The following EYS variants were observed in gnomAD, a reference collection of about 807,000 sequenced individuals.
The protein encoded by EYS is EGF-like photoreceptor maintenance factor.
EYS carries 250 observed loss-of-function variants against 282.1 expected under a neutral mutation model. That is an observed-to-expected ratio of 0.89 (90% CI 0.80 to 0.98). The LOEUF is 0.98. Ranked by LOEUF, EYS falls within the 50% of genes least tolerant of loss-of-function variation. The pLI, the probability that EYS is intolerant of heterozygous loss-of-function variation, is 0.00. For missense variants in EYS, 4,016 were observed against 3,709.0 expected (o/e 1.08, Z -2.15); for synonymous variants, 1,355 against 1,282.9 (o/e 1.06, Z -1.20).
intron 22 of EYS, among the ~76,000 whole-genome samples, chr6:64,658,520 A>C (rs1402304346): frequency 6.6e-6 from 1 of 152,186 alleles, no homozygotes; most frequent in Non-Finnish European, 1.5e-5. Flanking sequence ...GGTGACGTAC[A>C]GATGGGGTTT....
intron 2 of EYS, among the ~76,000 whole-genome samples, chr6:65,508,406 G>A (rs1582392475): frequency 6.6e-6 from 1 of 151,988 alleles, no homozygotes; most frequent in African/African-American, 2.4e-5. Context: ...AGGAGTGGTG[G>A]CTCACACCTG....
chr6:65,600,284 C>A (rs932133051), intron 2 of EYS, among the ~76,000 whole-genome samples: 4 of 152,092 alleles, frequency 2.6e-5, no homozygotes, highest in African/African-American at 9.6e-5. Context: ...TGACCTGTTG[C>A]ATTGCTAAGT....
intron 5 of EYS, among the ~76,000 whole-genome samples, chr6:65,446,819 CAT>C (rs150019227): frequency 1.7e-4 from 26 of 151,340 alleles, no homozygotes; most frequent in Admixed American, 9.2e-4. Flanking sequence ...AATTAAGAAA[CAT>C]AAAATATTAC....
intron 5 of EYS, among the ~76,000 whole-genome samples, chr6:65,459,545 T>C (rs1172536595): frequency 6.6e-6 from 1 of 151,982 alleles, no homozygotes; most frequent in Non-Finnish European, 1.5e-5. Context: ...ATATTTTAAA[T>C]CTGACAATTT....
chr6:64,691,488 A>G (rs1054269682), intron 22 of EYS, among the ~76,000 whole-genome samples: 1 of 152,202 alleles, frequency 6.6e-6, no homozygotes, highest in African/African-American at 2.4e-5. Flanking sequence ...ACAGTTTGGA[A>G]AATAAATTTT....
intron 42 of EYS, among the ~76,000 whole-genome samples, chr6:63,722,189 A>G (rs1270230631): frequency 6.6e-6 from 1 of 152,010 alleles, no homozygotes; most frequent in East Asian, 1.9e-4. Context: ...CTCCAACCTT[A>G]CCTGGAATGT....
intron 33 of EYS, among the ~76,000 whole-genome samples, chr6:64,016,680 T>C (rs1768908704): frequency 6.6e-6 from 1 of 152,068 alleles, no homozygotes; most frequent in African/African-American, 2.4e-5. Context: ...CTCATTATGC[T>C]GCCAAGGCTG....
chr6:64,293,384 A>T (rs2150366790), intron 30 of EYS, among the ~76,000 whole-genome samples: 1 of 152,204 alleles, frequency 6.6e-6, no homozygotes, highest in East Asian at 1.9e-4. Flanking sequence ...TTTTGAGATG[A>T]TATGTGGGGG....
At chr6:65,539,053 C>G (rs1225074002) in intron 2 of EYS, among the ~76,000 whole-genome samples, 4 of 152,100 alleles carry the variant, frequency 2.6e-5, no homozygotes, top group Non-Finnish European at 5.9e-5. Flanking sequence ...AAATTATTCT[C>G]CATTGTATTT....
Position 63,721,138 on chromosome 6 carries a change from TGTAAG to T in EYS, c.8888_8892del (p.Ser2963TyrfsTer2). 1 of 1,551,526 alleles carries T rather than the reference TGTAAG, an allele frequency of 6.4e-7. No individual in the cohort carries two copies. Among genetic ancestry groups the T allele is most frequent in the Non-Finnish European group, 8.7e-7 (1 of 1,146,798 alleles). ...CTATAATTTGGATCAATGTATTTAA[TGTAAG>T]AATTACCCATAAATTTTGCAGTTGA... On this transcript the variant is annotated frameshift_variant, in exon 43 of 43. Coordinates refer to ENST00000503581, the MANE Select transcript of EYS (RefSeq NM_001142800.2). LOFTEE classifies it high-confidence loss of function.
At chr6:63,849,229 C>A (rs1050005914) in intron 36 of EYS, among the ~76,000 whole-genome samples, 3 of 152,216 alleles carry the variant, frequency 2.0e-5, no homozygotes, top group Admixed American at 2.0e-4. Flanking sequence ...TGGGACAGAG[C>A]ACCTGGGGAG....
intron 22 of EYS, among the ~76,000 whole-genome samples, chr6:64,696,293 G>T (rs1302765939): frequency 6.6e-6 from 1 of 152,072 alleles, no homozygotes; most frequent in Non-Finnish European, 1.5e-5. Flanking sequence ...CAAGTCTTTT[G>T]ACTTTATCCA....
intron 32 of EYS, among the ~76,000 whole-genome samples, chr6:64,076,693 C>T (rs181385855): frequency 2.6e-5 from 4 of 151,934 alleles, no homozygotes; most frequent in Admixed American, 6.6e-5. Flanking sequence ...TCCCCAGCCC[C>T]GTGGAACTGT....
In EYS at chr6:64,813,507, C is replaced by A. The variant is rs966564796; in HGVS notation, c.3314G>T (p.Cys1105Phe). Residue 1105 changes from cysteine (C) to phenylalanine (F), a missense_variant, in exon 22 of 43, where the codon TGC becomes TTC. Physicochemically the swap from Cys to Phe is radical, Grantham distance 205. Coordinates refer to ENST00000503581, the MANE Select transcript of EYS (RefSeq NM_001142800.2). ...GTATGCACCAGTGTATCCACGTGGG[C>A]AAATGCAAGTAAATCCATGTGCTGA... is the stretch of plus-strand genomic sequence containing the variant. ...QKSAHGFTCI[C>F]PRGYTGAYCE... 1.0e-5 allele frequency: 16 copies of A among 1,550,330 alleles called. No homozygotes were observed. In the Admixed American group the frequency reaches 2.6e-4, roughly 25 times the overall value.
At chr6:64,460,296 A>C (rs1303567111) in intron 26 of EYS, among the ~76,000 whole-genome samples, 1 of 152,218 alleles carries the variant, frequency 6.6e-6, no homozygotes, top group African/African-American at 2.4e-5. Flanking sequence ...TCCATAATAC[A>C]TTTGAAAATT....
intron 2 of EYS, among the ~76,000 whole-genome samples, chr6:65,545,423 T>C (rs1311846654): frequency 6.6e-6 from 1 of 152,136 alleles, no homozygotes; most frequent in African/African-American, 2.4e-5. Flanking sequence ...TGGAGCTTGA[T>C]ATGAGTAGCA....
chr6:65,021,843 C>T (rs1040502864), intron 13 of EYS, among the ~76,000 whole-genome samples: 5 of 152,188 alleles, frequency 3.3e-5, no homozygotes, highest in Non-Finnish European at 7.3e-5. Context: ...CAAACACATC[C>T]TTCTTTACAT....
At chr6:64,986,832 T>C (rs1192432885) in intron 14 of EYS, among the ~76,000 whole-genome samples, 1 of 149,920 alleles carries the variant, frequency 6.7e-6, no homozygotes, top group East Asian at 2.0e-4. Context: ...CCAAAAATTC[T>C]AGTGTAGTTG....
intron 34 of EYS, among the ~76,000 whole-genome samples, chr6:63,987,165 T>C (rs1007354687): frequency 6.6e-6 from 1 of 151,728 alleles, no homozygotes; most frequent in African/African-American, 2.4e-5. Flanking sequence ...CATTGGAAAC[T>C]AACATGCTTT....
Sources: allele counts gnomAD v4.1 joint callset (sites outside exome capture counted in the v4.1 genomes callset), GRCh38; gene constraint gnomAD v4.1.1; transcripts MANE v1.5; gene names NCBI Gene and HGNC (gene_info 2026-07-23, HGNC 2026-07-21).